The following DTWD1 variants were observed in gnomAD, a reference collection of about 807,000 sequenced individuals.
DTWD1 encodes the protein DTW motif tRNA-uridine aminocarboxypropyltransferase 1, also known as tRNA-uridine aminocarboxypropyltransferase 1.
In DTWD1, 27 loss-of-function variants were observed where a neutral mutation model predicts 30.2. The ratio of observed to expected loss-of-function variants is 0.90; its 90% CI spans 0.66 to 1.23. DTWD1 has a LOEUF of 1.23. Among genes scored for constraint, DTWD1 ranks in the 50% most tolerant of loss-of-function variants. The pLI is 0.00. For synonymous variants in DTWD1, 99 were observed against 113.1 expected, an observed-to-expected ratio of 0.88 and a Z score of 0.79; for missense variants, 342 against 348.8, an observed-to-expected ratio of 0.98 and a Z score of 0.15.
chr15:49,648,174 T>G lies in DTWD1; in HGVS notation c.*4596T>G, dbSNP rs2079131884. On this transcript the variant is annotated 3_prime_UTR_variant, in exon 5 of 5. Transcript: ENST00000403028. ...TTAAGTTTACAAAAAATAATGAGCA[T>G]TAGGTAGATGGAATGAAAGTCTATT... is the stretch of plus-strand genomic sequence containing the variant. 1 of 152,174 alleles carries G rather than the reference T, an allele frequency of 6.6e-6. No homozygotes were observed. Among genetic ancestry groups the G allele is most frequent in the Admixed American group, 6.5e-5 (1 of 15,278 alleles). 9.4% of individuals were successfully genotyped at this position (152,174 alleles called of 1,614,324 possible).
intron 4 of DTWD1, among the ~76,000 whole-genome samples, chr15:49,636,487 A>T (rs1353410726): frequency 6.6e-6 from 1 of 152,164 alleles, no homozygotes; most frequent in Non-Finnish European, 1.5e-5. Flanking sequence ...TATAGCATTT[A>T]AACTCGTCAC....
intron 4 of DTWD1, among the ~76,000 whole-genome samples, chr15:49,636,095 T>C (rs1348199781): frequency 1.3e-5 from 2 of 152,190 alleles, no homozygotes; most frequent in Non-Finnish European, 2.9e-5. Context: ...AATCATATAG[T>C]ATGTACTCTT....
chr15:49,632,376 C>A, intron 3 of DTWD1, 74 bp downstream of exon 3: 2 of 1,350,048 alleles, frequency 1.5e-6, no homozygotes, highest in South Asian at 1.4e-5. Flanking sequence ...CCTTTCTGAA[C>A]TTACTCAAAC....
intron 2 of DTWD1, among the ~76,000 whole-genome samples, chr15:49,630,402 TG>T (rs2078903634): frequency 6.6e-6 from 1 of 152,142 alleles, no homozygotes; most frequent in Admixed American, 6.5e-5. Flanking sequence ...TTATTTAGCA[TG>T]GGATGGGAAC....
intron 4 of DTWD1, among the ~76,000 whole-genome samples, chr15:49,642,874 A>G (rs1343444127): frequency 2.6e-5 from 4 of 152,292 alleles, no homozygotes; most frequent in South Asian, 2.1e-4. Context: ...ACTGTGAGCT[A>G]TGATCACACT....
chr15:49,643,627 T>G lies in DTWD1; in HGVS notation c.*49T>G. ...TTTTATTTTGCTAACATTAATAAACTTATATTTGTGCTTTGTTTTTTCTTA... is the reference window on the plus strand; with the variant it reads ...TTTTATTTTGCTAACATTAATAAACGTATATTTGTGCTTTGTTTTTTCTTA... On this transcript the variant is annotated 3_prime_UTR_variant, in exon 5 of 5. Coordinates refer to ENST00000403028, the MANE Select transcript of DTWD1 (RefSeq NM_001144955.2). 3 of 1,510,370 alleles carry G rather than the reference T, an allele frequency of 2.0e-6. No individual in the cohort carries two copies. Among genetic ancestry groups the G allele is most frequent in the Non-Finnish European group, 2.7e-6 (3 of 1,126,144 alleles). The allele number at this position is 1,510,370 out of a possible 1,614,324, so 93.6% of individuals were successfully genotyped here. A position where few individuals can be genotyped will look rare whatever the true frequency, so the allele number is the denominator to read the frequency against.
chr15:49,633,049 C>CTATATCTATATCTATCTATATATATCTA (rs774517463), intron 3 of DTWD1, among the ~76,000 whole-genome samples: 54 of 117,342 alleles, frequency 4.6e-4, no homozygotes, highest in African/African-American at 1.8e-3. Context: ...ATATCTATAT[C>CTATATCTATATCTATCTATATATATCTA]TATATATATA....
At position 49,635,002 on chromosome 15, in the gene DTWD1, C is replaced by G. The variant is rs149005645; in HGVS notation, c.667+208C>G. Among the ~76,000 whole-genome samples the G allele has an allele frequency of 1.2e-3, 177 of 152,132 alleles. 1 individual carries two copies. The East Asian group carries it at 0.033, about 29-fold the overall frequency. On this transcript the variant is annotated intron_variant, in intron 4 of 4. Transcript: ENST00000403028. Reference sequence around the variant, plus strand: ...TGATCAATTGAAAGTAAGTTTCAGGCTTTGTAACACTTCACCCTTAAATAT... The same window carrying G: ...TGATCAATTGAAAGTAAGTTTCAGGGTTTGTAACACTTCACCCTTAAATAT...
At chr15:49,641,842 G>T (rs1470641390) in intron 4 of DTWD1, among the ~76,000 whole-genome samples, 1 of 151,754 alleles carries the variant, frequency 6.6e-6, no homozygotes, top group East Asian at 1.9e-4. Flanking sequence ...CCTTCTCCAT[G>T]GCTTCTTTTA....
At chr15:49,624,316 C>T (rs1003015534) in intron 1 of DTWD1, among the ~76,000 whole-genome samples, 2 of 152,130 alleles carry the variant, frequency 1.3e-5, no homozygotes, top group Non-Finnish European at 1.5e-5. Flanking sequence ...GAATGCATAT[C>T]GAATCAATAG....
chr15:49,633,049 C>CTATATATCTATATATA (rs2078948133), intron 3 of DTWD1, among the ~76,000 whole-genome samples: 2 of 117,316 alleles, frequency 1.7e-5, no homozygotes, highest in Non-Finnish European at 3.5e-5. Context: ...ATATCTATAT[C>CTATATATCTATATATA]TATATATATA....
At position 49,643,747 on chromosome 15, in the gene DTWD1, G is replaced by A. The variant is rs2079094527; in HGVS notation, c.*169G>A. The A allele has an allele frequency of 1.4e-6, 1 of 697,760 alleles. No homozygotes were observed. The highest frequency in any genetic ancestry group is 2.1e-6 in the Non-Finnish European group (1 of 486,376). The allele number at this position is 697,760 out of a possible 1,614,324, so 43.2% of individuals were successfully genotyped here. A position where few individuals can be genotyped will look rare whatever the true frequency, so the allele number is the denominator to read the frequency against. On this transcript the variant is annotated 3_prime_UTR_variant, in exon 5 of 5. Coordinates refer to ENST00000403028, the MANE Select transcript of DTWD1 (RefSeq NM_001144955.2). The stretch of plus-strand genomic sequence containing the variant: ...TTTCTTGAAGGAAATTGTATCTGGG[G>A]GAATTTTTCAGAGATACTGTTGATT...
chr15:49,656,033 C>A lies in DTWD1; in HGVS notation c.*12455C>A, dbSNP rs1357958840. On this transcript the variant is annotated 3_prime_UTR_variant, in exon 5 of 5. Coordinates refer to ENST00000403028, the MANE Select transcript of DTWD1 (RefSeq NM_001144955.2). Reference sequence around the variant, plus strand: ...TATTTAGTGAAATACAGTACAATTACAACAAGCATCAATGAATATTTAATG... The same window carrying A: ...TATTTAGTGAAATACAGTACAATTAAAACAAGCATCAATGAATATTTAATG... The A allele has an allele frequency of 1.3e-5, 2 of 151,896 alleles. No homozygotes were observed. Among genetic ancestry groups the A allele is most frequent in the African/African-American group, 4.8e-5 (2 of 41,312 alleles). 9.4% of individuals were successfully genotyped at this position (151,896 alleles called of 1,614,324 possible).
In DTWD1 at chr15:49,627,834, G is replaced by T. The variant is rs74819268; in HGVS notation, c.264+2403G>T. Among the ~76,000 whole-genome samples, 178 of 152,198 alleles carry T rather than the reference G, an allele frequency of 1.2e-3. 1 individual carries two copies. The East Asian group carries it at 0.012, about 11-fold the overall frequency. On this transcript the variant is annotated intron_variant, in intron 2 of 4. Transcript: ENST00000403028. ...TGGTGACTTGTGAGTGAATGTGAAG[G>T]CCTGTGATGTTACTGTACACTACTG...
At chr15:49,623,673 A>T (rs1704929876) in intron 1 of DTWD1, 1 of 152,154 alleles carries the variant, frequency 6.6e-6, no homozygotes, top group African/African-American at 2.4e-5. Flanking sequence ...TTTTCTAGGG[A>T]TGCGGTTTAA....
At position 49,646,228 on chromosome 15, in the gene DTWD1, A is replaced by G. The variant is rs1021568253; in HGVS notation, c.*2650A>G. 3 of 152,222 alleles carry G rather than the reference A, an allele frequency of 2.0e-5. No homozygotes were observed. The highest frequency in any genetic ancestry group is 4.4e-5 in the Non-Finnish European group (3 of 68,050). 9.4% of individuals were successfully genotyped at this position (152,222 alleles called of 1,614,324 possible). A position where few individuals can be genotyped will look rare whatever the true frequency, so the allele number is the denominator to read the frequency against. On this transcript the variant is annotated 3_prime_UTR_variant, in exon 5 of 5. Coordinates refer to ENST00000403028, the MANE Select transcript of DTWD1 (RefSeq NM_001144955.2). ...CAGCAGAGTCATCTAACTGACACCT[A>G]CCTGATTCCAAACATGTGAGCAAGG...
rs1411235872 is a variant in DTWD1, at chr15:49,650,184, A to G, written c.*6606A>G. ...AACAGTGTGTGGGAGGGAAAAAATGATAGAAGATGACATCATAGGGAGTAA... is the reference window on the plus strand; with the variant it reads ...AACAGTGTGTGGGAGGGAAAAAATGGTAGAAGATGACATCATAGGGAGTAA... On this transcript the variant is annotated 3_prime_UTR_variant, in exon 5 of 5. Coordinates refer to ENST00000403028, the MANE Select transcript of DTWD1 (RefSeq NM_001144955.2). 6.6e-6 allele frequency: 1 copy of G among 152,120 alleles called. No individual in the cohort carries two copies. The highest frequency in any genetic ancestry group is 1.5e-5 in the Non-Finnish European group (1 of 68,008). 9.4% of individuals were successfully genotyped at this position (152,120 alleles called of 1,614,324 possible).
chr15:49,647,297 T>G lies in DTWD1; in HGVS notation c.*3719T>G, dbSNP rs1424938181. ...GGCCATGTTAATGGCAGTCCCTTGA[T>G]TTGGTCTTTGTACTAGGCTGTTTTT... On this transcript the variant is annotated 3_prime_UTR_variant, in exon 5 of 5. Transcript: ENST00000403028. 1 of 152,214 alleles carries G rather than the reference T, an allele frequency of 6.6e-6. No homozygotes were observed. The highest frequency in any genetic ancestry group is 1.5e-5 in the Non-Finnish European group (1 of 68,028). The allele number at this position is 152,214 out of a possible 1,614,324, so 9.4% of individuals were successfully genotyped here.
rs2079160735 is a variant in DTWD1, at chr15:49,652,910, G to A, written c.*9332G>A. ...AACTGCAGAAGGACACTGTGCTTGA[G>A]GTCATACCCTTCCCATGTCTGGTGA... On this transcript the variant is annotated 3_prime_UTR_variant, in exon 5 of 5. Coordinates refer to ENST00000403028, the MANE Select transcript of DTWD1 (RefSeq NM_001144955.2). 1.3e-5 allele frequency: 2 copies of A among 152,116 alleles called. No individual in the cohort carries two copies. The highest frequency in any genetic ancestry group is 2.9e-5 in the Non-Finnish European group (2 of 68,012). The allele number at this position is 152,116 out of a possible 1,614,324, so 9.4% of individuals were successfully genotyped here.
Sources: allele counts gnomAD v4.1 joint callset (sites outside exome capture counted in the v4.1 genomes callset), GRCh38; gene constraint gnomAD v4.1.1; transcripts MANE v1.5; gene names NCBI Gene and HGNC (gene_info 2026-07-23, HGNC 2026-07-21).